The following CREBRF variants were observed in gnomAD, a reference collection of about 807,000 sequenced individuals.
The protein encoded by CREBRF is CREB3 regulatory factor, also known as UPF0474 protein C5orf41.
Under a neutral mutation model 66.1 loss-of-function variants are expected in CREBRF, and 5 were observed. The ratio of observed to expected loss-of-function variants is 0.08; its 90% CI spans 0.04 to 0.16. CREBRF has a LOEUF of 0.16. Among genes scored for constraint, CREBRF ranks in the 10% least tolerant of loss-of-function variants. CREBRF has a pLI of 1.00. For synonymous variants in CREBRF, 229 were observed against 264.4 expected, an observed-to-expected ratio of 0.87 and a Z score of 1.30; for missense variants, 531 against 744.9, an observed-to-expected ratio of 0.71 and a Z score of 3.34.
At position 173,065,271 on chromosome 5, in the gene CREBRF, TGTGTA is replaced by T. The variant is rs574548555; in HGVS notation, c.-192+8797_-192+8801del. Reference sequence around the variant, plus strand: ...TCTAGTACAGCTGAAGTATAAAAGATGTGTAGTGTGGGGTTGGGTATGAGATGGTT... The same window carrying T: ...TCTAGTACAGCTGAAGTATAAAAGATGTGTGGGGTTGGGTATGAGATGGTT... On this transcript the variant is annotated intron_variant, in intron 1 of 8. Transcript: ENST00000296953. Among the ~76,000 whole-genome samples the T allele has an allele frequency of 5.9e-5, 9 of 152,284 alleles. No individual in the cohort carries two copies. The South Asian group carries it at 1.7e-3, about 28-fold the overall frequency.
chr5:173,061,992 G>A (rs888626649), intron 1 of CREBRF, among the ~76,000 whole-genome samples: 1 of 152,150 alleles, frequency 6.6e-6, no homozygotes, highest in Non-Finnish European at 1.5e-5. Context: ...TGAGAAACAT[G>A]TGGCCTGCAA....
intron 1 of CREBRF, among the ~76,000 whole-genome samples, chr5:173,058,444 G>A (rs1757141647): frequency 6.6e-6 from 1 of 151,646 alleles, no homozygotes; most frequent in Admixed American, 6.6e-5. Context: ...TATTTTATTA[G>A]TTGGAGAAAA....
At chr5:173,087,051 A>C (rs1165101918) in intron 3 of CREBRF, among the ~76,000 whole-genome samples, 1 of 149,576 alleles carries the variant, frequency 6.7e-6, no homozygotes, top group Non-Finnish European at 1.5e-5. Context: ...GGTTTAAGCT[A>C]TTCTTCTACC....
intron 1 of CREBRF, among the ~76,000 whole-genome samples, chr5:173,061,072 AT>A (rs1374771718): frequency 6.6e-6 from 1 of 152,112 alleles, no homozygotes; most frequent in Non-Finnish European, 1.5e-5. Context: ...GGTTTAAGCG[AT>A]TCTCCTGCCT....
chr5:173,097,525 G>A (rs575552776), intron 4 of CREBRF, among the ~76,000 whole-genome samples: 2 of 152,242 alleles, frequency 1.3e-5, no homozygotes, highest in East Asian at 3.9e-4. Flanking sequence ...GATTACAGAT[G>A]TGAGCCCTCG....
At chr5:173,119,971 G>A (rs1219581764) in intron 7 of CREBRF, among the ~76,000 whole-genome samples, 2 of 151,990 alleles carry the variant, frequency 1.3e-5, no homozygotes. Flanking sequence ...ACGCTACTTG[G>A]TTATGATATA....
chr5:173,077,497 A>T (rs552333931), intron 1 of CREBRF, among the ~76,000 whole-genome samples: 1 of 151,998 alleles, frequency 6.6e-6, no homozygotes, highest in East Asian at 1.9e-4. Context: ...GGTTCAAGCG[A>T]TTCTCCTGCC....
At chr5:173,096,394 CTTCCTTTTCTCT>C in intron 4 of CREBRF, among the ~76,000 whole-genome samples, 1 of 151,428 alleles carries the variant, frequency 6.6e-6, no homozygotes, top group South Asian at 2.1e-4. Flanking sequence ...CCTTCCCTCC[CTTCCTTTTCTCT>C]TTCCTTTTCC....
intron 2 of CREBRF, among the ~76,000 whole-genome samples, chr5:173,082,464 A>T (rs1389785591): frequency 6.6e-6 from 1 of 152,132 alleles, no homozygotes; most frequent in Non-Finnish European, 1.5e-5. Flanking sequence ...GATGGGATGT[A>T]CCAATGAAGA....
chr5:173,060,171 CTTAA>C (rs746405247), intron 1 of CREBRF: 4 of 150,596 alleles, frequency 2.7e-5, no homozygotes, highest in Admixed American at 6.6e-5. Context: ...GCTTTTAAAG[CTTAA>C]TTTTCAGTCA....
chr5:173,093,571 C>T (rs1202890643), intron 4 of CREBRF, among the ~76,000 whole-genome samples: 2 of 152,158 alleles, frequency 1.3e-5, no homozygotes, highest in African/African-American at 4.8e-5. Flanking sequence ...GGCTGGAGTG[C>T]GGTGGCACAA....
chr5:173,081,637 G>A (rs968330410), intron 2 of CREBRF, among the ~76,000 whole-genome samples: 3 of 152,052 alleles, frequency 2.0e-5, no homozygotes, highest in African/African-American at 4.8e-5. Flanking sequence ...AAAGACCAGC[G>A]GCCGGCTAGG....
Position 173,086,063 on chromosome 5 carries a change from T to C in CREBRF, c.10-438T>C. ...GCAGTATCAAAAATCCAAGAGTGTATGGTTCTCTACCAATCATAACTGTGA... is the reference window on the plus strand; with the variant it reads ...GCAGTATCAAAAATCCAAGAGTGTACGGTTCTCTACCAATCATAACTGTGA... On this transcript the variant is annotated intron_variant, in intron 2 of 8. Coordinates refer to ENST00000296953, the MANE Select transcript of CREBRF (RefSeq NM_153607.3). 3 of 904,284 alleles carry C rather than the reference T, an allele frequency of 3.3e-6. 1 individual carries two copies. Among genetic ancestry groups the C allele is most frequent in the South Asian group, 2.6e-5 (2 of 76,978 alleles). The allele number at this position is 904,284 out of a possible 1,614,324, so 56.0% of individuals were successfully genotyped here.
chr5:173,110,394 T>G (rs775421281), intron 5 of CREBRF, 128 bp from the exon 6 acceptor site: 1 of 753,058 alleles, frequency 1.3e-6, no homozygotes, highest in Non-Finnish European at 2.4e-6. Flanking sequence ...TGCTAAGACT[T>G]CTGAAACATG....
intron 1 of CREBRF, among the ~76,000 whole-genome samples, chr5:173,074,085 C>T (rs564527338): frequency 7.9e-5 from 12 of 151,950 alleles, no homozygotes; most frequent in South Asian, 4.2e-4. Flanking sequence ...GGTAGATCAC[C>T]GGAGTTCAGG....
intron 4 of CREBRF, among the ~76,000 whole-genome samples, chr5:173,093,275 A>G (rs1758394397): frequency 6.6e-6 from 1 of 152,166 alleles, no homozygotes; most frequent in Non-Finnish European, 1.5e-5. Flanking sequence ...CAAGGACTAT[A>G]TTATCTACCT....
chr5:173,086,741 C>A, intron 3 of CREBRF, 115 bp downstream of exon 3: 3 of 776,338 alleles, frequency 3.9e-6, no homozygotes, highest in Non-Finnish European at 5.9e-6. Flanking sequence ...AAGTTTGATT[C>A]TTATGATTAT....
intron 8 of CREBRF, among the ~76,000 whole-genome samples, chr5:173,129,261 C>T (rs1007621118): frequency 4.0e-5 from 6 of 150,716 alleles, no homozygotes; most frequent in African/African-American, 1.5e-4. Context: ...GGACTACAGG[C>T]ACCTGCCACT....
chr5:173,126,466 G>C (rs1361024557), intron 8 of CREBRF, among the ~76,000 whole-genome samples: 1 of 152,146 alleles, frequency 6.6e-6, no homozygotes, highest in Admixed American at 6.5e-5. Context: ...ATCACGGCTT[G>C]CTCCTGTCCT....
Sources: gnomAD v4.1 joint callset for allele counts (sites outside exome capture counted in the v4.1 genomes callset) on GRCh38, gnomAD v4.1.1 for gene constraint, MANE v1.5 for transcripts, NCBI Gene and HGNC (gene_info 2026-07-23, HGNC 2026-07-21) for gene names.